The following BIK variants were observed in gnomAD, a reference collection of about 807,000 sequenced individuals.
The protein encoded by BIK is bcl-2-interacting killer.
In BIK, 14 loss-of-function variants were observed where a neutral mutation model predicts 12.1. That is an observed-to-expected ratio of 1.16 (90% CI 0.77 to 1.81). BIK has a LOEUF of 1.81. Among genes scored for constraint, BIK ranks in the 40% most tolerant of loss-of-function variants. The pLI, the probability that BIK is intolerant of heterozygous loss-of-function variation, is 0.00. For missense variants in BIK, 215 were observed against 207.9 expected, an observed-to-expected ratio of 1.03 and a Z score of -0.21; for synonymous variants, 86 against 92.3, an observed-to-expected ratio of 0.93 and a Z score of 0.39.
At chr22:43,112,070 C>T (rs1386263757) in intron 1 of BIK, among the ~76,000 whole-genome samples, 1 of 152,212 alleles carries the variant, frequency 6.6e-6, no homozygotes, top group Non-Finnish European at 1.5e-5. Flanking sequence ...CCTGAGGTTT[C>T]TGGCCAGGTG....
intron 4 of BIK, 73 bp downstream of exon 4, chr22:43,128,698 C>T (rs1361679737): frequency 6.6e-6 from 10 of 1,519,724 alleles, no homozygotes; most frequent in South Asian, 2.5e-5. Flanking sequence ...CTCCTTGGGG[C>T]GCCACAGTCC....
chr22:43,128,709 C>T (rs1373820388), intron 4 of BIK, 84 bp downstream of exon 4: 2 of 1,494,646 alleles, frequency 1.3e-6, no homozygotes, highest in Non-Finnish European at 1.8e-6. Context: ...GCCACAGTCC[C>T]CACCACTCCG....
intron 1 of BIK, among the ~76,000 whole-genome samples, chr22:43,111,523 C>A (rs1019614140): frequency 1.3e-5 from 2 of 152,082 alleles, no homozygotes; most frequent in East Asian, 1.9e-4. Context: ...GGGGGCCCCC[C>A]GCCTGCGGGG....
intron 1 of BIK, among the ~76,000 whole-genome samples, chr22:43,119,862 C>T (rs1930186118): frequency 6.6e-6 from 1 of 152,100 alleles, no homozygotes; most frequent in African/African-American, 2.4e-5. Flanking sequence ...TCGAGTTACC[C>T]TGGAGGCTGA....
At chr22:43,117,849 C>T (rs945078591) in intron 1 of BIK, among the ~76,000 whole-genome samples, 8 of 151,266 alleles carry the variant, frequency 5.3e-5, no homozygotes, top group African/African-American at 1.9e-4. Flanking sequence ...TTTTTTGAAA[C>T]GGGGTAGAGA....
rs1188531765 is a variant in BIK at position 43,124,196 on chromosome 22, GGCCT to G, written c.161+17_161+20del. 6.2e-7 allele frequency: 1 copy of G among 1,613,394 alleles called. No individual in the cohort carries two copies. The highest frequency in any genetic ancestry group is 1.3e-5 in the African/African-American group (1 of 74,912). On this transcript the variant is annotated intron_variant, in intron 2 of 4. Coordinates refer to ENST00000216115, the MANE Select transcript of BIK (RefSeq NM_001197.5). ...GCATGGAGGGCAGGTAGGTCCCCAT[GGCCT>G]GCCCTACCCCCTGCCTGATAGTGAC...
intron 1 of BIK, among the ~76,000 whole-genome samples, chr22:43,120,978 C>T (rs188260176): frequency 1.3e-4 from 20 of 152,106 alleles, no homozygotes; most frequent in African/African-American, 4.8e-4. Context: ...GAGTTGAGAC[C>T]AGCCTGGCCA....
intron 1 of BIK, among the ~76,000 whole-genome samples, chr22:43,122,735 C>T (rs149372570): frequency 6.6e-6 from 1 of 152,284 alleles, no homozygotes; most frequent in African/African-American, 2.4e-5. Flanking sequence ...GATGAGGACA[C>T]ATTTGGGTTC....
chr22:43,116,157 G>A (rs1930109103), intron 1 of BIK, among the ~76,000 whole-genome samples: 1 of 152,138 alleles, frequency 6.6e-6, no homozygotes. Flanking sequence ...AAAGGCACAG[G>A]CTTCCCCTTT....
intron 1 of BIK, among the ~76,000 whole-genome samples, chr22:43,120,190 A>AC (rs952855492): frequency 6.6e-6 from 1 of 151,754 alleles, no homozygotes; most frequent in East Asian, 1.9e-4. Flanking sequence ...ATGTGGCACA[A>AC]CCCCCCACTT....
rs1222167857 is a variant in BIK at position 43,127,567 on chromosome 22, C to T, written c.162-130C>T. 3.8e-6 allele frequency: 3 copies of T among 794,478 alleles called. No homozygotes were observed. In the Admixed American group the frequency reaches 7.1e-5, roughly 19 times the overall value. The allele number at this position is 794,478 out of a possible 1,614,324, so 49.2% of individuals were successfully genotyped here. On this transcript the variant is annotated intron_variant, in intron 2 of 4. Coordinates refer to ENST00000216115, the MANE Select transcript of BIK (RefSeq NM_001197.5). Reference sequence around the variant, plus strand: ...ACAGGGAGGCCCACTCACTGCCTGCCCCAAATCTGACACCATCTCTTATCC... The same window carrying T: ...ACAGGGAGGCCCACTCACTGCCTGCTCCAAATCTGACACCATCTCTTATCC...
chr22:43,118,279 C>T (rs984557926), intron 1 of BIK, among the ~76,000 whole-genome samples: 2 of 152,186 alleles, frequency 1.3e-5, no homozygotes, highest in East Asian at 1.9e-4. Flanking sequence ...TCCACCGTGG[C>T]GTCCTGAGCT....
rs771335264 is a variant in BIK at position 43,128,642 on chromosome 22, C to A, written c.390+17C>A. 1 of 1,594,572 alleles carries A rather than the reference C, an allele frequency of 6.3e-7. No homozygotes were observed. Among genetic ancestry groups the A allele is most frequent in the Non-Finnish European group, 8.6e-7 (1 of 1,168,826 alleles). On this transcript the variant is annotated intron_variant, in intron 4 of 4. Transcript: ENST00000216115. ...GGGTCCTGGGTAAGAGCCTTGAGAT[C>A]CCTGACCCTGACTTGCGCTGCGGCC...
chr22:43,127,646 T>C (rs879009811), intron 2 of BIK, 51 bp from the exon 3 acceptor site: 3 of 1,492,546 alleles, frequency 2.0e-6, no homozygotes, highest in South Asian at 2.4e-5. Flanking sequence ...TCCAGGTGCA[T>C]GTGGCCTCCA....
intron 4 of BIK, 95 bp downstream of exon 4, chr22:43,128,720 TATC>T (rs1406532237): frequency 4.8e-6 from 7 of 1,467,756 alleles, no homozygotes; most frequent in African/African-American, 1.4e-5. Flanking sequence ...CACCACTCCG[TATC>T]ATCATCTGTG....
In BIK at chr22:43,127,811, C is replaced by T. The variant is rs972439981; in HGVS notation, c.260+16C>T. On this transcript the variant is annotated intron_variant, in intron 3 of 4. Coordinates refer to ENST00000216115, the MANE Select transcript of BIK (RefSeq NM_001197.5). ...CCATGCACAGGTAGCCGGCCTATGC[C>T]CTATGCCTCTACACCTGGGGAGGGG... The T allele has an allele frequency of 6.5e-7, 1 of 1,543,844 alleles. No homozygotes were observed. Among genetic ancestry groups the T allele is most frequent in the Non-Finnish European group, 8.8e-7 (1 of 1,142,344 alleles).
chr22:43,117,493 C>T (rs545629129), intron 1 of BIK, among the ~76,000 whole-genome samples: 1,555 of 151,646 alleles, frequency 0.01, 24 homozygotes, highest in African/African-American at 0.036. Flanking sequence ...CTCAGCCTCC[C>T]GAGTAGCTGG....
intron 3 of BIK, 123 bp downstream of exon 3, chr22:43,127,918 G>A: frequency 1.4e-6 from 1 of 692,012 alleles, no homozygotes. Flanking sequence ...CCTTGACACT[G>A]GGGCTATACT....
Position 43,111,976 on chromosome 22 carries a change from T to G in BIK, c.-8+1173T>G, listed in dbSNP as rs545600658. 2.6e-5 allele frequency among the ~76,000 whole-genome samples: 4 copies of G among 152,250 alleles called. 1 individual carries two copies. The South Asian group carries it at 8.3e-4, about 32-fold the overall frequency. ...TATGGAACCCAAGCCAAAACCTCTT[T>G]CCACTCTCCAGCCCTGTGGCCTCGG... On this transcript the variant is annotated intron_variant, in intron 1 of 4. Coordinates refer to ENST00000216115, the MANE Select transcript of BIK (RefSeq NM_001197.5).
Sources: gnomAD v4.1 joint callset for allele counts (sites outside exome capture counted in the v4.1 genomes callset) on GRCh38, gnomAD v4.1.1 for gene constraint, MANE v1.5 for transcripts, NCBI Gene and HGNC (gene_info 2026-07-23, HGNC 2026-07-21) for gene names.